LPAR3: variants seen among roughly 807,000 people sequenced by gnomAD.
LPAR3 encodes LPA receptor 3.
Under a neutral mutation model 17.8 loss-of-function variants are expected in LPAR3, and 7 were observed. The ratio of observed to expected loss-of-function variants is 0.39; its 90% CI spans 0.22 to 0.74. The LOEUF is 0.74. Ranked by LOEUF, LPAR3 falls within the 30% of genes least tolerant of loss-of-function variation. The pLI is 0.40. For synonymous variants in LPAR3, 179 were observed against 179.9 expected (o/e 0.99, Z 0.04); for missense variants, 391 against 453.4 (o/e 0.86, Z 1.25).
At chr1:84,849,236 G>A (rs1008120850) in intron 2 of LPAR3, among the ~76,000 whole-genome samples, 1 of 151,796 alleles carries the variant, frequency 6.6e-6, no homozygotes, top group South Asian at 2.1e-4. Flanking sequence ...TTAGCCGGGC[G>A]TGGTGGTGGG....
chr1:84,876,411 G>A (rs1660258715), intron 1 of LPAR3, among the ~76,000 whole-genome samples: 1 of 152,128 alleles, frequency 6.6e-6, no homozygotes, highest in Non-Finnish European at 1.5e-5. Flanking sequence ...GAGATTGGAA[G>A]GCAGGGAGGA....
chr1:84,872,706 G>A (rs1304199392), intron 1 of LPAR3, among the ~76,000 whole-genome samples: 1 of 152,176 alleles, frequency 6.6e-6, no homozygotes, highest in African/African-American at 2.4e-5. Flanking sequence ...AGGAGGGGGA[G>A]CATAGCTCCT....
intron 1 of LPAR3, among the ~76,000 whole-genome samples, chr1:84,879,241 T>C (rs1660313553): frequency 6.6e-6 from 1 of 152,232 alleles, no homozygotes; most frequent in Non-Finnish European, 1.5e-5. Flanking sequence ...TTCTTTGTAT[T>C]ATTATTTAGC....
chr1:84,850,464 G>A (rs1288051716), intron 2 of LPAR3, among the ~76,000 whole-genome samples: 1 of 151,468 alleles, frequency 6.6e-6, no homozygotes, highest in Non-Finnish European at 1.5e-5. Flanking sequence ...GTGTGCGCCT[G>A]TACTCCCATC....
intron 2 of LPAR3, among the ~76,000 whole-genome samples, chr1:84,865,119 C>T (rs2102765040): frequency 6.6e-6 from 1 of 152,272 alleles, no homozygotes; most frequent in African/African-American, 2.4e-5. Flanking sequence ...TCTCCAGCTC[C>T]CTTCCCTGCT....
intron 1 of LPAR3, among the ~76,000 whole-genome samples, chr1:84,885,342 T>C (rs1361287709): frequency 1.3e-5 from 2 of 152,152 alleles, no homozygotes; most frequent in African/African-American, 4.8e-5. Flanking sequence ...GCTATCAGAT[T>C]GATAACATTT....
At chr1:84,842,308 T>A (rs1052627021) in intron 2 of LPAR3, among the ~76,000 whole-genome samples, 2 of 152,226 alleles carry the variant, frequency 1.3e-5, no homozygotes, top group African/African-American at 4.8e-5. Context: ...AGATAAGTCA[T>A]AACCACCACT....
rs762355281 is a variant in LPAR3 at position 84,866,103 on chromosome 1, A to G, written c.18T>C (p.Tyr6=). 1 of 1,575,598 alleles carries G rather than the reference A, an allele frequency of 6.3e-7. No individual in the cohort carries two copies. Residue 6 remains tyrosine (Y), a synonymous_variant, in exon 2 of 3, where the codon TAT becomes TAC. Transcript: ENST00000370611. ...TATAAAAAAAGTCCATGTGCTTGTC[A>G]TAGTGACACTCATTCATTGTGGAGA... is the stretch of plus-strand genomic sequence containing the variant. MNECH[Y]DKHMDFFYNR...
chr1:84,818,601 TA>T (rs547719942), intron 2 of LPAR3, among the ~76,000 whole-genome samples: 9 of 151,906 alleles, frequency 5.9e-5, no homozygotes, highest in Non-Finnish European at 1.2e-4. Flanking sequence ...CTTAAAAGAA[TA>T]AAAAAAATAA....
chr1:84,817,097 G>C (rs181130642), intron 2 of LPAR3, among the ~76,000 whole-genome samples: 3 of 152,050 alleles, frequency 2.0e-5, no homozygotes, highest in Admixed American at 2.0e-4. Context: ...TTTTTTTAAA[G>C]TAATCTGGGC....
rs915127424 is a variant in LPAR3 at position 84,850,862 on chromosome 1, G to A, written c.736+14523C>T. On this transcript the variant is annotated intron_variant, in intron 2 of 2. Transcript: ENST00000370611. ...AGGGGTCCCAGGTGACATAGAACGA[G>A]TTCTTGTAGTTACGATCAGCACAAG... is the stretch of plus-strand genomic sequence containing the variant. Among the ~76,000 whole-genome samples the A allele has an allele frequency of 5.3e-5, 8 of 152,212 alleles. 1 individual carries two copies. Among genetic ancestry groups the A allele is most frequent in the African/African-American group, 1.7e-4 (7 of 41,452 alleles).
At chr1:84,888,141 T>C (rs918686486) in intron 1 of LPAR3, among the ~76,000 whole-genome samples, 7 of 101,044 alleles carry the variant, frequency 6.9e-5, no homozygotes, top group African/African-American at 3.0e-4. Context: ...TATATATATA[T>C]ATACATACAT....
In LPAR3 at chr1:84,881,207, A is replaced by T. The variant is rs545604508; in HGVS notation, c.-19+11809T>A. On this transcript the variant is annotated intron_variant, in intron 1 of 2. Coordinates refer to ENST00000370611, the MANE Select transcript of LPAR3 (RefSeq NM_012152.3). Reference sequence around the variant, plus strand: ...AGGAAAGCATGGCAGGTTGTGAGGCATGGTAGGGGCAGGATGGTGAGGGGA... The same window carrying T: ...AGGAAAGCATGGCAGGTTGTGAGGCTTGGTAGGGGCAGGATGGTGAGGGGA... 4.0e-5 allele frequency among the ~76,000 whole-genome samples: 6 copies of T among 150,594 alleles called. No individual in the cohort carries two copies. The East Asian group carries it at 1.2e-3, about 30-fold the overall frequency.
At chr1:84,857,934 G>T (rs1659859133) in intron 2 of LPAR3, among the ~76,000 whole-genome samples, 1 of 152,094 alleles carries the variant, frequency 6.6e-6, no homozygotes, top group African/African-American at 2.4e-5. Context: ...ACCCCACAAT[G>T]AATATTAACT....
At chr1:84,884,658 CATTTT>C (rs1405893754) in intron 1 of LPAR3, among the ~76,000 whole-genome samples, 1 of 152,206 alleles carries the variant, frequency 6.6e-6, no homozygotes, top group Non-Finnish European at 1.5e-5. Flanking sequence ...TCTCCTAAAG[CATTTT>C]ACTTTCCCCA....
intron 2 of LPAR3, among the ~76,000 whole-genome samples, chr1:84,836,116 T>C (rs1659400090): frequency 7.1e-6 from 1 of 139,948 alleles, no homozygotes; most frequent in Admixed American, 7.8e-5. Flanking sequence ...GCGGGCAAAC[T>C]GCTTGAGCCC....
chr1:84,881,957 G>T (rs180949159), intron 1 of LPAR3, among the ~76,000 whole-genome samples: 1 of 152,092 alleles, frequency 6.6e-6, no homozygotes, highest in Non-Finnish European at 1.5e-5. Context: ...ACTGCTATTC[G>T]ACATAGTATT....
At chr1:84,821,284 C>A (rs533533203) in intron 2 of LPAR3, among the ~76,000 whole-genome samples, 2 of 152,188 alleles carry the variant, frequency 1.3e-5, no homozygotes, top group East Asian at 1.9e-4. Context: ...AATGGGCTCT[C>A]ATCTTCATAC....
intron 2 of LPAR3, among the ~76,000 whole-genome samples, chr1:84,837,545 C>T (rs934002929): frequency 2.6e-5 from 4 of 152,160 alleles, no homozygotes; most frequent in African/African-American, 9.7e-5. Flanking sequence ...CACTGCCAAA[C>T]TTAAGGCAGA....
Sources: gnomAD v4.1 joint callset for allele counts (sites outside exome capture counted in the v4.1 genomes callset) on GRCh38, gnomAD v4.1.1 for gene constraint, MANE v1.5 for transcripts, NCBI Gene and HGNC (gene_info 2026-07-23, HGNC 2026-07-21) for gene names.